Variants in MAPT observed in about 807,000 individuals in gnomAD.
MAPT encodes microtubule-associated protein tau.
A neutral mutation model predicts 67.9 loss-of-function variants in MAPT; 34 were observed. That is an observed-to-expected ratio of 0.50 (90% CI 0.38 to 0.67). The LOEUF is 0.67. Ranked by LOEUF, MAPT falls within the 30% of genes least tolerant of loss-of-function variation. The pLI, the probability that MAPT is intolerant of heterozygous loss-of-function variation, is 0.00. For synonymous variants in MAPT, 456 were observed against 464.5 expected (o/e 0.98, Z 0.23); for missense variants, 881 against 1,115.2 (o/e 0.79, Z 2.99).
chr17:45,905,992 C>G (rs1415858578), intron 1 of MAPT, among the ~76,000 whole-genome samples: 1 of 152,192 alleles, frequency 6.6e-6, no homozygotes, highest in Non-Finnish European at 1.5e-5. Flanking sequence ...TAGCGTCAGT[C>G]AGACGGTGCA....
At chr17:45,938,952 T>C (rs2067612551) in intron 1 of MAPT, among the ~76,000 whole-genome samples, 1 of 151,832 alleles carries the variant, frequency 6.6e-6, no homozygotes, top group Admixed American at 6.6e-5. Flanking sequence ...GAGCTGGGAC[T>C]ACAGGTGTGC....
At chr17:45,904,332 T>TAC (rs2064112484) in intron 1 of MAPT, among the ~76,000 whole-genome samples, 1 of 72,044 alleles carries the variant, frequency 1.4e-5, no homozygotes, top group Non-Finnish European at 2.8e-5. Flanking sequence ...ATATATATTA[T>TAC]ATATTATATA....
At chr17:46,007,105 T>C (rs942366291) in intron 9 of MAPT, among the ~76,000 whole-genome samples, 3 of 151,918 alleles carry the variant, frequency 2.0e-5, no homozygotes, top group Non-Finnish European at 4.4e-5. Flanking sequence ...TATCTAAATA[T>C]CTCATGTACC....
chr17:45,908,634 G>A (rs1446612516), intron 1 of MAPT, among the ~76,000 whole-genome samples: 8 of 152,332 alleles, frequency 5.3e-5, no homozygotes, highest in Middle Eastern at 3.4e-3. Context: ...GAACAGAGAA[G>A]GGAGGAGCTC....
At chr17:45,934,884 TC>T (rs576886667) in intron 1 of MAPT, among the ~76,000 whole-genome samples, 1 of 147,108 alleles carries the variant, frequency 6.8e-6, no homozygotes, top group Non-Finnish European at 1.5e-5. Context: ...TTTTTGAGTT[TC>T]CCCCCCGCTT....
intron 1 of MAPT, among the ~76,000 whole-genome samples, chr17:45,941,692 T>TTCCCTCCTTCCTTCCTTCCC (rs1352965099): frequency 1.4e-5 from 1 of 71,718 alleles, no homozygotes; most frequent in Non-Finnish European, 2.6e-5. Flanking sequence ...CCTTCCTTCC[T>TTCCCTCCTTCCTTCCTTCCC]TCCTTCCTGC....
intron 2 of MAPT, among the ~76,000 whole-genome samples, chr17:45,966,125 C>A (rs2071053916): frequency 6.6e-6 from 1 of 152,194 alleles, no homozygotes; most frequent in African/African-American, 2.4e-5. Flanking sequence ...AGAGGCAGGG[C>A]AGCCTGGCTT....
Position 45,983,623 on chromosome 17 carries a change from C to CA in MAPT, c.1047dup (p.Val350SerfsTer76). 1 of 1,613,724 alleles carries CA rather than the reference C, an allele frequency of 6.2e-7. No individual in the cohort carries two copies. On this transcript the variant is annotated frameshift_variant, in exon 5 of 13. Transcript: ENST00000262410. LOFTEE classifies it high-confidence loss of function. ...TCCCCCTCCCTGTGGATTTCCTCTC[C>CA]AAAGTTTCCACAGAGATCCCAGCCT...
At chr17:45,970,068 CCATT>C (rs1014524977) in intron 2 of MAPT, among the ~76,000 whole-genome samples, 2 of 148,746 alleles carry the variant, frequency 1.3e-5, no homozygotes, top group East Asian at 2.0e-4. Context: ...ATCCATCCAT[CCATT>C]CATCTATCCA....
intron 1 of MAPT, among the ~76,000 whole-genome samples, chr17:45,926,952 T>C (rs1422439088): frequency 2.8e-5 from 3 of 108,324 alleles, no homozygotes; most frequent in Admixed American, 9.8e-5. Flanking sequence ...TATATACATA[T>C]ATGTGTATAT....
chr17:45,957,287 A>G (rs2069846689), intron 1 of MAPT, among the ~76,000 whole-genome samples: 1 of 152,168 alleles, frequency 6.6e-6, no homozygotes. Context: ...AATGATCGCC[A>G]TTCTAACTGG....
At chr17:46,012,906 G>A (rs368776272) in intron 10 of MAPT, among the ~76,000 whole-genome samples, 13 of 152,122 alleles carry the variant, frequency 8.5e-5, no homozygotes, top group African/African-American at 2.4e-4. Flanking sequence ...GCCAGGCCGC[G>A]CGCCATCCAT....
chr17:45,927,804 T>C (rs1336855355), intron 1 of MAPT, among the ~76,000 whole-genome samples: 1 of 151,664 alleles, frequency 6.6e-6, no homozygotes, highest in Non-Finnish European at 1.5e-5. Context: ...ATCGAGACCA[T>C]CCTGGCTAAC....
At position 45,979,787 on chromosome 17, in the gene MAPT, C is replaced by T. The variant is rs185911883; in HGVS notation, c.286+1347C>T. On this transcript the variant is annotated intron_variant, in intron 4 of 12. Transcript: ENST00000262410. ...TGGAAGTGGGTTTGAGTTTTTTCTA[C>T]TGATTGTTAGTGCAGGTGATGTCTA... The T allele has an allele frequency of 4.2e-4, 64 of 152,224 alleles. No individual in the cohort carries two copies. In the East Asian group the frequency reaches 0.01, roughly 24 times the overall value. 9.4% of individuals were successfully genotyped at this position (152,224 alleles called of 1,614,324 possible). A position where few individuals can be genotyped will look rare whatever the true frequency, so the allele number is the denominator to read the frequency against.
chr17:45,928,677 C>CAT (rs1253946486), intron 1 of MAPT, among the ~76,000 whole-genome samples: 1 of 151,668 alleles, frequency 6.6e-6, no homozygotes. Flanking sequence ...GTTATATATA[C>CAT]ATATATATAT....
At chr17:45,895,719 G>T (rs1276079738) in intron 1 of MAPT, 2 of 152,236 alleles carry the variant, frequency 1.3e-5, no homozygotes, top group Non-Finnish European at 2.9e-5. Flanking sequence ...GAGGAAGGGG[G>T]AGGATAGGCT....
intron 1 of MAPT, among the ~76,000 whole-genome samples, chr17:45,951,228 T>C (rs933644139): frequency 6.6e-6 from 1 of 152,214 alleles, no homozygotes; most frequent in African/African-American, 2.4e-5. Flanking sequence ...CAGCTGTCTA[T>C]GAGGTCCAGC....
At chr17:45,947,026 T>C (rs1306784699) in intron 1 of MAPT, among the ~76,000 whole-genome samples, 1 of 152,236 alleles carries the variant, frequency 6.6e-6, no homozygotes, top group Non-Finnish European at 1.5e-5. Context: ...CTTTCCTTTC[T>C]GTATGCTCCT....
intron 11 of MAPT, among the ~76,000 whole-genome samples, chr17:46,014,688 C>T (rs2076041312): frequency 6.6e-6 from 1 of 152,078 alleles, no homozygotes; most frequent in Non-Finnish European, 1.5e-5. Flanking sequence ...TCCTGGCTAA[C>T]ACAGTGAAAC....
Sources: gnomAD v4.1 joint callset for allele counts (sites outside exome capture counted in the v4.1 genomes callset) on GRCh38, gnomAD v4.1.1 for gene constraint, MANE v1.5 for transcripts, NCBI Gene and HGNC (gene_info 2026-07-23, HGNC 2026-07-21) for gene names.